CCSER2: variants seen among roughly 807,000 people sequenced by gnomAD.
CCSER2 encodes serine-rich coiled-coil domain-containing protein 2.
CCSER2 carries 46 observed loss-of-function variants against 92.3 expected under a neutral mutation model. The observed-to-expected ratio is 0.50, with a 90% CI of 0.39 to 0.64. The LOEUF is 0.64. CCSER2 is among the 30% of genes least tolerant of loss of function. CCSER2 has a pLI of 0.00. For synonymous variants in CCSER2, 433 were observed against 431.4 expected, an observed-to-expected ratio of 1.00 and a Z score of -0.04; for missense variants, 1,244 against 1,238.9, an observed-to-expected ratio of 1.00 and a Z score of -0.06.
At chr10:84,454,054 G>A (rs537995430) in intron 6 of CCSER2, among the ~76,000 whole-genome samples, 49 of 152,108 alleles carry the variant, frequency 3.2e-4, no homozygotes, top group Non-Finnish European at 6.0e-4. Flanking sequence ...ATCAATAGAA[G>A]TTTATTCTGT....
intron 3 of CCSER2, among the ~76,000 whole-genome samples, chr10:84,398,218 C>T (rs748455846): frequency 6.6e-6 from 1 of 152,116 alleles, no homozygotes; most frequent in Non-Finnish European, 1.5e-5. Flanking sequence ...GTCTTCAAAC[C>T]GAGCAACACC....
intron 4 of CCSER2, among the ~76,000 whole-genome samples, chr10:84,423,982 T>TA (rs3044102): frequency 0.056 from 6,066 of 108,148 alleles, 193 homozygotes; most frequent in East Asian, 0.15. Context: ...CCCCATCTCT[T>TA]AAAAAAAAAA....
chr10:84,424,272 AACTG>A (rs1465196897), intron 4 of CCSER2, among the ~76,000 whole-genome samples: 3 of 151,542 alleles, frequency 2.0e-5, no homozygotes, highest in Admixed American at 6.6e-5. Flanking sequence ...AGTTTTCTAT[AACTG>A]AACTTAAAAA....
chr10:84,404,719 T>C (rs34214485), intron 3 of CCSER2, among the ~76,000 whole-genome samples: 8,874 of 152,272 alleles, frequency 0.058, 372 homozygotes, highest in Admixed American at 0.1. Flanking sequence ...TGTTGCAAGA[T>C]ACAAAATCAA....
chr10:84,416,959 G>A (rs1012280742), intron 3 of CCSER2, among the ~76,000 whole-genome samples: 4 of 152,146 alleles, frequency 2.6e-5, no homozygotes, highest in Admixed American at 2.6e-4. Context: ...TGACCATGAT[G>A]TCTCAGTCTT....
Position 84,513,502 on chromosome 10 carries a change from G to C in CCSER2, c.2379G>C (p.Gln793His), listed in dbSNP as rs1247641863. The part of the protein sequence containing the change: ...SSLPRPTDHT[Q>H]GKLIKPQRIE... The stretch of plus-strand genomic sequence containing the variant: ...TTCCCAGACCCACAGATCACACCCA[G>C]GGAAAACTAATAAAGCCACAACGTA... The change falls in exon 10 of 10, where the codon CAG becomes CAC. Residue 793 changes from glutamine (Q) to histidine (H), a missense_variant. Gln to His is a conservative substitution (Grantham distance 24). Transcript: ENST00000372088. 6.2e-7 allele frequency: 1 copy of C among 1,613,894 alleles called. No individual in the cohort carries two copies. Among genetic ancestry groups the C allele is most frequent in the Non-Finnish European group, 8.5e-7 (1 of 1,180,012 alleles).
intron 6 of CCSER2, among the ~76,000 whole-genome samples, chr10:84,458,738 C>T (rs1845922709): frequency 6.6e-6 from 1 of 151,992 alleles, no homozygotes; most frequent in South Asian, 2.1e-4. Context: ...TTCACATATA[C>T]ACATATATAC....
At chr10:84,457,674 AT>A (rs1348286220) in intron 6 of CCSER2, among the ~76,000 whole-genome samples, 11 of 80,966 alleles carry the variant, frequency 1.4e-4, no homozygotes, top group Admixed American at 6.2e-4. Context: ...AATTTTAGTT[AT>A]TATATAAATT....
chr10:84,372,644 C>T (rs886886278), intron 2 of CCSER2, among the ~76,000 whole-genome samples, 175 bp downstream of exon 2: 3 of 152,098 alleles, frequency 2.0e-5, no homozygotes, highest in African/African-American at 4.8e-5. Flanking sequence ...CTCCATACCC[C>T]ATTTTTCACC....
intron 4 of CCSER2, chr10:84,425,128 T>G (rs1187923727): frequency 1.0e-6 from 1 of 984,352 alleles, no homozygotes; most frequent in Non-Finnish European, 1.2e-6. Context: ...AGTGTACTGT[T>G]TGTTGCTGCA....
intron 3 of CCSER2, among the ~76,000 whole-genome samples, chr10:84,385,476 C>T (rs983243274): frequency 6.6e-6 from 1 of 152,096 alleles, no homozygotes; most frequent in African/African-American, 2.4e-5. Flanking sequence ...GACTGAACTT[C>T]GACAGAACCA....
intron 8 of CCSER2, among the ~76,000 whole-genome samples, chr10:84,472,537 A>G (rs1398919360): frequency 6.6e-6 from 1 of 152,148 alleles, no homozygotes; most frequent in Non-Finnish European, 1.5e-5. Context: ...ATGCCACTGC[A>G]CTTCAGCCTG....
chr10:84,385,705 G>A (rs1393861720), intron 3 of CCSER2, among the ~76,000 whole-genome samples: 1 of 152,156 alleles, frequency 6.6e-6, no homozygotes, highest in African/African-American at 2.4e-5. Context: ...AAAGATTTAT[G>A]AGTAAGACCT....
chr10:84,413,106 A>G (rs1433505826), intron 3 of CCSER2, among the ~76,000 whole-genome samples: 2 of 133,422 alleles, frequency 1.5e-5, no homozygotes, highest in Non-Finnish European at 3.2e-5. Flanking sequence ...GGATTCATTG[A>G]TTTTTTTTTT....
At chr10:84,346,895 G>A (rs1376189759) in intron 1 of CCSER2, among the ~76,000 whole-genome samples, 2 of 152,130 alleles carry the variant, frequency 1.3e-5, no homozygotes, top group African/African-American at 4.8e-5. Flanking sequence ...AGTGAACAAA[G>A]GTCTCTGGTT....
chr10:84,448,602 C>T (rs1282871477), intron 6 of CCSER2, among the ~76,000 whole-genome samples: 1 of 152,164 alleles, frequency 6.6e-6, no homozygotes, highest in African/African-American at 2.4e-5. Context: ...ACAGAATGTA[C>T]ATTCAAATAA....
intron 6 of CCSER2, among the ~76,000 whole-genome samples, chr10:84,463,222 A>T (rs1237382809): frequency 6.6e-6 from 1 of 152,156 alleles, no homozygotes; most frequent in Non-Finnish European, 1.5e-5. Context: ...GAGGCATGAG[A>T]TACATCCAGT....
Position 84,417,189 on chromosome 10 carries a change from A to C in CCSER2, c.1615-582A>C, listed in dbSNP as rs373550728. ...ACTTTTTTAAGAAGAGATAATAGCT[A>C]GTAAGGTTGCAAATAAAAGCCAGCA... On this transcript the variant is annotated intron_variant, in intron 3 of 9. Coordinates refer to ENST00000372088, the MANE Select transcript of CCSER2 (RefSeq NM_001284240.2). Among the ~76,000 whole-genome samples, 14 of 152,328 alleles carry C rather than the reference A, an allele frequency of 9.2e-5. No homozygotes were observed. The East Asian group carries it at 1.4e-3, about 15-fold the overall frequency.
At chr10:84,468,281 C>T (rs1846571692) in intron 7 of CCSER2, among the ~76,000 whole-genome samples, 2 of 152,250 alleles carry the variant, frequency 1.3e-5, no homozygotes, top group Middle Eastern at 3.4e-3. Context: ...CACTGTAGTC[C>T]CTCATTTCTG....
Sources: allele counts gnomAD v4.1 joint callset (sites outside exome capture counted in the v4.1 genomes callset), GRCh38; gene constraint gnomAD v4.1.1; transcripts MANE v1.5; gene names NCBI Gene and HGNC (gene_info 2026-07-23, HGNC 2026-07-21).